Variants in PRKG1 observed in about 807,000 individuals in gnomAD.
The protein encoded by PRKG1 is protein kinase cGMP-dependent 1, also known as cGMP-dependent protein kinase 1.
In PRKG1, 35 loss-of-function variants were observed where a neutral mutation model predicts 88.1. The observed-to-expected ratio is 0.40, with a 90% CI of 0.30 to 0.53. The LOEUF (loss-of-function observed/expected upper bound fraction) is 0.53. Ranked by LOEUF, PRKG1 falls within the 20% of genes least tolerant of loss-of-function variation. The pLI is 0.59. For missense variants in PRKG1, 540 were observed against 839.8 expected (o/e 0.64, Z 4.41); for synonymous variants, 303 against 292.5 (o/e 1.04, Z -0.37).
intron 2 of PRKG1, among the ~76,000 whole-genome samples, chr10:51,340,444 C>T (rs568313023): frequency 1.3e-5 from 2 of 152,172 alleles, no homozygotes; most frequent in South Asian, 4.1e-4. Context: ...TATTTTTATT[C>T]ACAGTTTGCA....
intron 3 of PRKG1, among the ~76,000 whole-genome samples, chr10:51,786,338 T>A (rs1838727926): frequency 6.6e-6 from 1 of 152,098 alleles, no homozygotes; most frequent in East Asian, 1.9e-4. Flanking sequence ...AAGAGTATCT[T>A]GATTTTGGGG....
At chr10:51,205,942 A>G (rs1838047669) in intron 2 of PRKG1, among the ~76,000 whole-genome samples, 1 of 152,194 alleles carries the variant, frequency 6.6e-6, no homozygotes, top group Admixed American at 6.5e-5. Context: ...GAGAAGGATA[A>G]ACAGCAAATA....
At chr10:51,680,507 C>A (rs982363567) in intron 3 of PRKG1, among the ~76,000 whole-genome samples, 11 of 152,214 alleles carry the variant, frequency 7.2e-5, no homozygotes, top group African/African-American at 2.2e-4. Flanking sequence ...TCAAGGCCTG[C>A]CTTCTGATAA....
intron 1 of PRKG1, among the ~76,000 whole-genome samples, chr10:50,993,493 G>T (rs869886): frequency 0.3 from 46,255 of 152,092 alleles, 7,309 homozygotes; most frequent in East Asian, 0.38. Context: ...GTCTCAGCCG[G>T]GCTGTGCATT....
At chr10:51,228,563 C>T (rs1838753919) in intron 2 of PRKG1, among the ~76,000 whole-genome samples, 1 of 152,034 alleles carries the variant, frequency 6.6e-6, no homozygotes, top group South Asian at 2.1e-4. Context: ...AAGTAAATTG[C>T]TTTTTGTTGT....
At chr10:51,444,927 T>C (rs993004368) in intron 2 of PRKG1, among the ~76,000 whole-genome samples, 4 of 151,806 alleles carry the variant, frequency 2.6e-5, no homozygotes, top group Non-Finnish European at 5.9e-5. Flanking sequence ...GGGACTGGGT[T>C]AAAAAAATAG....
At chr10:51,756,201 G>T (rs1209044642) in intron 3 of PRKG1, among the ~76,000 whole-genome samples, 1 of 152,184 alleles carries the variant, frequency 6.6e-6, no homozygotes, top group Non-Finnish European at 1.5e-5. Flanking sequence ...AGTCAGTAGA[G>T]GCTGGGAGCA....
chr10:51,079,998 G>C (rs537382258), intron 1 of PRKG1, among the ~76,000 whole-genome samples: 1 of 152,168 alleles, frequency 6.6e-6, no homozygotes, highest in African/African-American at 2.4e-5. Flanking sequence ...AATGAGAATT[G>C]AACCTGAAGT....
At chr10:51,668,042 G>A (rs1372024993) in intron 3 of PRKG1, among the ~76,000 whole-genome samples, 3 of 152,052 alleles carry the variant, frequency 2.0e-5, no homozygotes, top group Non-Finnish European at 2.9e-5. Context: ...CACATTGCCT[G>A]GGGTCATTTA....
chr10:51,534,900 A>G lies in PRKG1; in HGVS notation c.592+67064A>G, dbSNP rs911635508. 2.6e-5 allele frequency among the ~76,000 whole-genome samples: 4 copies of G among 152,274 alleles called. No individual in the cohort carries two copies. The East Asian group carries it at 5.8e-4, about 22-fold the overall frequency. On this transcript the variant is annotated intron_variant, in intron 3 of 17. Transcript: ENST00000373980. ...GAATAAAACTTGGTTTGAATGGTAT[A>G]TTGCTCACTTTATTATACATAGATC...
chr10:51,198,163 T>C (rs1199931709), intron 2 of PRKG1, among the ~76,000 whole-genome samples: 1 of 152,134 alleles, frequency 6.6e-6, no homozygotes, highest in African/African-American at 2.4e-5. Context: ...GGGGTACTGG[T>C]GATGGTGGTA....
intron 4 of PRKG1, among the ~76,000 whole-genome samples, chr10:51,870,039 T>C (rs1044757811): frequency 6.6e-6 from 1 of 152,200 alleles, no homozygotes; most frequent in Non-Finnish European, 1.5e-5. Flanking sequence ...TAGTGTTTCA[T>C]TGCATTCTCT....
chr10:52,120,614 A>C (rs2132610254), intron 7 of PRKG1, among the ~76,000 whole-genome samples: 1 of 152,280 alleles, frequency 6.6e-6, no homozygotes, highest in South Asian at 2.1e-4. Context: ...TAAGCCCAAA[A>C]CCCAGTGGGG....
At chr10:51,107,810 CAAAAAAAAAAAAAA>C (rs150587434) in intron 1 of PRKG1, among the ~76,000 whole-genome samples, 1 of 63,290 alleles carries the variant, frequency 1.6e-5, no homozygotes. Flanking sequence ...AACCCTGTCT[CAAAAAAAAAAAAAA>C]AAAAAAAAAA....
At chr10:52,092,848 G>A (rs1230518256) in intron 7 of PRKG1, among the ~76,000 whole-genome samples, 1 of 152,098 alleles carries the variant, frequency 6.6e-6, no homozygotes, top group African/African-American at 2.4e-5. Context: ...CCAAATTGTG[G>A]TACACAAACT....
chr10:52,168,164 G>C (rs1838543665), intron 9 of PRKG1, among the ~76,000 whole-genome samples: 1 of 152,168 alleles, frequency 6.6e-6, no homozygotes, highest in Non-Finnish European at 1.5e-5. Flanking sequence ...CCTTAATGGA[G>C]CTTATGGTCC....
Position 52,108,701 on chromosome 10 carries a change from CCTGT to C in PRKG1, c.936-25136_936-25133del, listed in dbSNP as rs200987567. On this transcript the variant is annotated intron_variant, in intron 7 of 17. Transcript: ENST00000373980. ...CTTATATTCTGTTATTACAAAAAAA[CCTGT>C]CTTTTGAAAATGTACATAATCTATT... Among the ~76,000 whole-genome samples, 1,361 of 152,196 alleles carry C rather than the reference CCTGT, an allele frequency of 8.9e-3. 9 individuals carry two copies. The highest frequency in any genetic ancestry group is 0.014 in the Non-Finnish European group (975 of 67,998).
chr10:51,324,083 T>A (rs1217294117), intron 2 of PRKG1, among the ~76,000 whole-genome samples: 1 of 152,234 alleles, frequency 6.6e-6, no homozygotes, highest in Non-Finnish European at 1.5e-5. Flanking sequence ...CTCAAACATT[T>A]ATTTTTTCTT....
intron 3 of PRKG1, among the ~76,000 whole-genome samples, chr10:51,690,555 C>G (rs1443353217): frequency 6.6e-6 from 1 of 152,084 alleles, no homozygotes; most frequent in Non-Finnish European, 1.5e-5. Context: ...GCTTCATATT[C>G]ATTCCAGGCA....
Sources: gnomAD v4.1 joint callset for allele counts (sites outside exome capture counted in the v4.1 genomes callset) on GRCh38, gnomAD v4.1.1 for gene constraint, MANE v1.5 for transcripts, NCBI Gene and HGNC (gene_info 2026-07-23, HGNC 2026-07-21) for gene names.